The following ELAVL2 variants were observed in gnomAD, a reference collection of about 807,000 sequenced individuals.
The protein encoded by ELAVL2 is ELAV-like protein 2.
Under a neutral mutation model 34.6 loss-of-function variants are expected in ELAVL2, and 4 were observed. The observed-to-expected ratio is 0.12, with a 90% CI of 0.06 to 0.26. ELAVL2 has a LOEUF of 0.26. Among genes scored for constraint, ELAVL2 ranks in the 10% least tolerant of loss-of-function variants. The pLI is 1.00. For missense variants in ELAVL2, 432 were observed against 442.8 expected, an observed-to-expected ratio of 0.98 and a Z score of 0.22; for synonymous variants, 193 against 154.8, an observed-to-expected ratio of 1.25 and a Z score of -1.83.
At position 23,690,760 on chromosome 9, in the gene ELAVL2, T is replaced by G. The variant is rs1275122597; in HGVS notation, c.*1797A>C. ...CTCAGTTTATACAAAAAGCAGGACG[T>G]AACTATATAGTTCTCAGTGCATCCT... On this transcript the variant is annotated 3_prime_UTR_variant, in exon 7 of 7. Transcript: ENST00000397312. 6.6e-6 allele frequency: 1 copy of G among 152,628 alleles called. No homozygotes were observed. Among genetic ancestry groups the G allele is most frequent in the Non-Finnish European group, 1.5e-5 (1 of 68,008 alleles). 9.5% of individuals were successfully genotyped at this position (152,628 alleles called of 1,614,324 possible).
intron 3 of ELAVL2, among the ~76,000 whole-genome samples, chr9:23,719,244 C>A (rs1344725157): frequency 6.6e-6 from 1 of 152,156 alleles, no homozygotes; most frequent in Admixed American, 6.5e-5. Flanking sequence ...GTCTTGCTGA[C>A]TGATAGCATC....
At chr9:23,843,078 A>G in the ELAVL2 span, among the ~76,000 whole-genome samples, 20 of 152,254 alleles carry the variant, frequency 1.3e-4, no homozygotes, top group East Asian at 3.5e-3. Context: ...AATTATAATC[A>G]CTTAAACCCC....
chr9:23,786,247 A>G (rs1588494054), intron 1 of ELAVL2, among the ~76,000 whole-genome samples: 1 of 152,250 alleles, frequency 6.6e-6, no homozygotes, highest in East Asian at 1.9e-4. Context: ...AGAACTTTAA[A>G]AAAATTATAA....
intron 4 of ELAVL2, among the ~76,000 whole-genome samples, chr9:23,704,512 G>A (rs565902898): frequency 6.6e-6 from 1 of 152,278 alleles, no homozygotes; most frequent in African/African-American, 2.4e-5. Context: ...CAGTGTGGAT[G>A]TAGTGTAATC....
intron 1 of ELAVL2, among the ~76,000 whole-genome samples, chr9:23,803,220 A>G (rs774042008): frequency 2.0e-5 from 3 of 152,224 alleles, no homozygotes; most frequent in Non-Finnish European, 4.4e-5. Context: ...AAAAACGTGA[A>G]TCATCTCAAC....
Position 23,705,075 on chromosome 9 carries a change from G to A in ELAVL2, c.334-4C>T, listed in dbSNP as rs770263915. On this transcript the variant is annotated splice_region_variant and splice_polypyrimidine_tract_variant and intron_variant, in intron 3 of 6. Coordinates refer to ENST00000397312, the MANE Select transcript of ELAVL2 (RefSeq NM_004432.5). ...AACTTGGGCGAGCATAGGAAACCTG[G>A]AAAAGGAAAATAAAATTAAATGTAT... 2 of 1,613,848 alleles carry A rather than the reference G, an allele frequency of 1.2e-6. No homozygotes were observed. Among genetic ancestry groups the A allele is most frequent in the East Asian group, 2.2e-5 (1 of 44,854 alleles).
At chr9:23,766,108 T>G (rs2136152915) in intron 1 of ELAVL2, among the ~76,000 whole-genome samples, 1 of 152,254 alleles carries the variant, frequency 6.6e-6, no homozygotes, top group Non-Finnish European at 1.5e-5. Flanking sequence ...TTATAAAAAT[T>G]TTATCCTGAG....
chr9:23,834,617 A>T, the ELAVL2 span, among the ~76,000 whole-genome samples: 1 of 152,074 alleles, frequency 6.6e-6, no homozygotes, highest in Admixed American at 6.5e-5. Context: ...TATTTGATGG[A>T]GCCAGAATTA....
chr9:23,762,354 T>A (rs1468553797), intron 1 of ELAVL2, 105 bp from the exon 2 acceptor site: 1 of 1,440,062 alleles, frequency 6.9e-7, no homozygotes, highest in Non-Finnish European at 9.4e-7. Flanking sequence ...GTCGTTCTAA[T>A]GAAATTACAA....
At chr9:23,749,948 T>C (rs1451560961) in intron 2 of ELAVL2, among the ~76,000 whole-genome samples, 1 of 151,194 alleles carries the variant, frequency 6.6e-6, no homozygotes, top group Non-Finnish European at 1.5e-5. Flanking sequence ...TTCACTATAC[T>C]AACAGGTCCA....
intron 3 of ELAVL2, among the ~76,000 whole-genome samples, chr9:23,708,364 T>G (rs2039984347): frequency 6.6e-6 from 1 of 152,186 alleles, no homozygotes; most frequent in Admixed American, 6.5e-5. Context: ...TATTAGTATT[T>G]TATAGCTGGG....
At chr9:23,795,244 T>C (rs1002993874) in intron 1 of ELAVL2, among the ~76,000 whole-genome samples, 1 of 152,170 alleles carries the variant, frequency 6.6e-6, no homozygotes, top group Non-Finnish European at 1.5e-5. Context: ...CCAGTGTCTA[T>C]TTAAGAAATG....
intron 1 of ELAVL2, among the ~76,000 whole-genome samples, chr9:23,776,497 C>CT (rs2058211768): frequency 6.6e-6 from 1 of 152,070 alleles, no homozygotes; most frequent in Admixed American, 6.5e-5. Flanking sequence ...AGTAAAGAAA[C>CT]TCCCCAAGGC....
At chr9:23,725,294 C>G (rs1001316345) in intron 3 of ELAVL2, among the ~76,000 whole-genome samples, 1 of 152,162 alleles carries the variant, frequency 6.6e-6, no homozygotes, top group East Asian at 1.9e-4. Flanking sequence ...AACTCAGGCT[C>G]ATTTCCCACA....
At chr9:23,772,041 T>TCCC (rs2057391616) in intron 1 of ELAVL2, among the ~76,000 whole-genome samples, 1 of 152,188 alleles carries the variant, frequency 6.6e-6, no homozygotes, top group African/African-American at 2.4e-5. Flanking sequence ...AATCAACTAC[T>TCCC]CCCTCAGTTT....
upstream of ELAVL2, among the ~76,000 whole-genome samples, chr9:23,830,650 A>G (rs900251315): frequency 9.3e-6 from 1 of 107,150 alleles, no homozygotes; most frequent in Admixed American, 9.0e-5. Flanking sequence ...TCCTGGACCA[A>G]TGTATGAGGT....
chr9:23,834,276 T>C, the ELAVL2 span, among the ~76,000 whole-genome samples: 6 of 152,088 alleles, frequency 3.9e-5, no homozygotes, highest in Admixed American at 3.9e-4. Context: ...ATAATATAAC[T>C]TGTCAAAAAA....
intron 2 of ELAVL2, among the ~76,000 whole-genome samples, chr9:23,760,376 T>C (rs2054690388): frequency 6.6e-6 from 1 of 152,012 alleles, no homozygotes; most frequent in African/African-American, 2.4e-5. Context: ...TACTAAGCAA[T>C]CAGAAATTGC....
chr9:23,794,904 G>A (rs140102201), intron 1 of ELAVL2, among the ~76,000 whole-genome samples: 2 of 152,072 alleles, frequency 1.3e-5, no homozygotes, highest in Non-Finnish European at 2.9e-5. Flanking sequence ...GGTATATACA[G>A]CTCCTAGAAA....
Sources: gnomAD v4.1 joint callset for allele counts (sites outside exome capture counted in the v4.1 genomes callset) on GRCh38, gnomAD v4.1.1 for gene constraint, MANE v1.5 for transcripts, NCBI Gene and HGNC (gene_info 2026-07-23, HGNC 2026-07-21) for gene names.